Variants in NPAS2 observed in about 807,000 individuals in gnomAD.
The protein encoded by NPAS2 is neuronal PAS domain protein 2.
A neutral mutation model predicts 107.5 loss-of-function variants in NPAS2; 23 were observed. The observed-to-expected ratio is 0.21, with a 90% CI of 0.15 to 0.30. The LOEUF (loss-of-function observed/expected upper bound fraction) is 0.30, where lower values mean the gene tolerates loss of function less well. NPAS2 is among the 10% of genes least tolerant of loss of function. The pLI is 1.00. For synonymous variants in NPAS2, 403 were observed against 417.5 expected, an observed-to-expected ratio of 0.97 and a Z score of 0.42; for missense variants, 756 against 1,043.3, an observed-to-expected ratio of 0.72 and a Z score of 3.79.
Position 100,941,965 on chromosome 2 carries a change from T to C in NPAS2, c.363+4123T>C, listed in dbSNP as rs781211423. Among the ~76,000 whole-genome samples the C allele has an allele frequency of 3.3e-5, 5 of 152,250 alleles. No homozygotes were observed. In the East Asian group the frequency reaches 5.8e-4, roughly 18 times the overall value. On this transcript the variant is annotated intron_variant, in intron 5 of 20. Coordinates refer to ENST00000335681, the MANE Select transcript of NPAS2 (RefSeq NM_002518.4). ...CATCATATCCCCAGCCCTGAACATT[T>C]GCCATGTGCCTAAGTGTTCATTGAA...
Position 100,968,438 on chromosome 2 carries a change from A to G in NPAS2, c.1055+10A>G, listed in dbSNP as rs1180748210. On this transcript the variant is annotated intron_variant, in intron 11 of 20. Coordinates refer to ENST00000335681, the MANE Select transcript of NPAS2 (RefSeq NM_002518.4). The surrounding 1 kb of genome is among the most constrained non-coding windows in gnomAD (Gnocchi z 5.3). ...CACACTCGGTGGTCAGGTACCGCGC[A>G]CGGGCAGGGGTGCGGCTGCGTCCTT... is the stretch of plus-strand genomic sequence containing the variant. 5.0e-6 allele frequency: 8 copies of G among 1,612,648 alleles called. No homozygotes were observed. In the African/African-American group the frequency reaches 9.3e-5, roughly 19 times the overall value.
intron 1 of NPAS2, among the ~76,000 whole-genome samples, chr2:100,898,785 T>TAA (rs3042765): frequency 2.8e-5 from 4 of 144,206 alleles, no homozygotes; most frequent in African/African-American, 1.0e-4. Context: ...GTCTTTCACC[T>TAA]AAAAAAAAAA....
At chr2:100,882,591 A>C (rs529836801) in intron 1 of NPAS2, among the ~76,000 whole-genome samples, 7 of 152,152 alleles carry the variant, frequency 4.6e-5, no homozygotes, top group Non-Finnish European at 7.4e-5. Flanking sequence ...CCAGCCTGGG[A>C]GACAGAGCGA....
Position 100,926,434 on chromosome 2 carries a change from A to G in NPAS2, c.181+1140A>G, listed in dbSNP as rs148176430. On this transcript the variant is annotated intron_variant, in intron 3 of 20. Transcript: ENST00000335681. ...CCAATTTCTCCACATCCTTGGCAAC[A>G]CTTATTACTGTCTTCTTTTATTATG... 6.0e-3 allele frequency among the ~76,000 whole-genome samples: 911 copies of G among 152,286 alleles called. 5 individuals carry two copies. The highest frequency in any genetic ancestry group is 0.021 in the African/African-American group (861 of 41,544).
chr2:100,855,807 T>C (rs909412391), intron 1 of NPAS2, among the ~76,000 whole-genome samples: 1 of 152,232 alleles, frequency 6.6e-6, no homozygotes, highest in Non-Finnish European at 1.5e-5. Flanking sequence ...GCTTCAGCTT[T>C]GCTGCATGTC....
At position 100,890,116 on chromosome 2, in the gene NPAS2, GC is replaced by G. The variant is rs1425287951; in HGVS notation, c.-22-14616del. 6.6e-5 allele frequency among the ~76,000 whole-genome samples: 10 copies of G among 152,324 alleles called. No individual in the cohort carries two copies. The East Asian group carries it at 1.9e-3, about 29-fold the overall frequency. ...GTGTGCATACTGTATGAGGTATGTA[GC>G]TTTGCCAGATCTTAGTGTGACACAC... On this transcript the variant is annotated intron_variant, in intron 1 of 20. Transcript: ENST00000335681.
At chr2:100,878,605 A>G (rs1680134513) in intron 1 of NPAS2, 1 of 985,400 alleles carries the variant, frequency 1.0e-6, no homozygotes, top group East Asian at 1.1e-4. Context: ...AAGAATATAC[A>G]CTTTCAGCTA....
At chr2:100,956,937 A>G (rs374217413) in intron 7 of NPAS2, among the ~76,000 whole-genome samples, 33 of 152,320 alleles carry the variant, frequency 2.2e-4, no homozygotes, top group African/African-American at 7.2e-4. Flanking sequence ...CCAACTGGAC[A>G]TGTCCAGGTT....
intron 19 of NPAS2, among the ~76,000 whole-genome samples, chr2:100,991,685 A>G (rs56044389): frequency 0.093 from 14,186 of 152,164 alleles, 885 homozygotes; most frequent in Non-Finnish European, 0.14. Flanking sequence ...CTGTATGTTC[A>G]TTATTTAATT....
chr2:100,918,321 C>G (rs1466720269), intron 2 of NPAS2, among the ~76,000 whole-genome samples: 3 of 151,968 alleles, frequency 2.0e-5, no homozygotes, highest in Non-Finnish European at 4.4e-5. Context: ...AATAGAAAGT[C>G]TTTGTAGTCT....
chr2:100,828,105 A>G (rs1228506168), intron 1 of NPAS2, among the ~76,000 whole-genome samples: 1 of 152,174 alleles, frequency 6.6e-6, no homozygotes, highest in Non-Finnish European at 1.5e-5. Flanking sequence ...AGTAATAGCC[A>G]TTCTGGCTGG....
At chr2:100,931,237 C>T (rs1288463781) in intron 3 of NPAS2, among the ~76,000 whole-genome samples, 1 of 152,202 alleles carries the variant, frequency 6.6e-6, no homozygotes, top group Non-Finnish European at 1.5e-5. Context: ...ACCATCAGCA[C>T]GGTTTCCTCT....
At chr2:100,903,174 T>A (rs964101177) in intron 1 of NPAS2, among the ~76,000 whole-genome samples, 3 of 152,196 alleles carry the variant, frequency 2.0e-5, no homozygotes, top group Admixed American at 6.5e-5. Flanking sequence ...GAACACAGCG[T>A]GGCCGGGTCC....
rs770159746 is a variant in NPAS2 at position 100,953,375 on chromosome 2, T to TAAA, written c.598+3908_598+3910dup. ...GGTGACAGAGTGAAACTCCATCTCATAAAAAAAAAAAAAAACAAAAAAAAC... is the reference window on the plus strand; with the variant it reads ...GGTGACAGAGTGAAACTCCATCTCATAAAAAAAAAAAAAAAAAACAAAAAAAAC... On this transcript the variant is annotated intron_variant, in intron 7 of 20. Coordinates refer to ENST00000335681, the MANE Select transcript of NPAS2 (RefSeq NM_002518.4). Among the ~76,000 whole-genome samples the TAAA allele has an allele frequency of 1.5e-3, 134 of 87,422 alleles. 2 individuals are homozygous for TAAA. The highest frequency in any genetic ancestry group is 0.011 in the East Asian group (42 of 3,936). The allele number at this position is 87,422 out of a possible 152,430, so 57.4% of individuals were successfully genotyped here. A position where few individuals can be genotyped will look rare whatever the true frequency, so the allele number is the denominator to read the frequency against.
At chr2:100,839,753 G>A (rs190630308) in intron 1 of NPAS2, among the ~76,000 whole-genome samples, 9 of 152,012 alleles carry the variant, frequency 5.9e-5, no homozygotes, top group African/African-American at 1.2e-4. Flanking sequence ...GTAATCCTTC[G>A]AATTTTTTAT....
chr2:100,832,271 C>T (rs1676790100), intron 1 of NPAS2, among the ~76,000 whole-genome samples: 1 of 152,196 alleles, frequency 6.6e-6, no homozygotes, highest in African/African-American at 2.4e-5. Flanking sequence ...ACTCACAGCA[C>T]CCTGAGCCAC....
intron 16 of NPAS2, chr2:100,983,466 G>A (rs1339726091): frequency 6.5e-6 from 1 of 152,676 alleles, no homozygotes; most frequent in Non-Finnish European, 1.5e-5. Context: ...CACTCCTGGT[G>A]GCTTTCTAGA....
chr2:100,828,802 T>C (rs1288327225), intron 1 of NPAS2, among the ~76,000 whole-genome samples: 2 of 152,210 alleles, frequency 1.3e-5, no homozygotes, highest in East Asian at 1.9e-4. Context: ...ACTGTAGCCT[T>C]ATAGTATAGT....
intron 16 of NPAS2, 59 bp downstream of exon 16, chr2:100,982,436 G>A (rs1056830523): frequency 1.6e-5 from 25 of 1,582,384 alleles, no homozygotes; most frequent in East Asian, 6.8e-5. Context: ...GGGTCCTGCC[G>A]CCATTTCCGG....
Sources: gnomAD v4.1 joint callset for allele counts (sites outside exome capture counted in the v4.1 genomes callset) on GRCh38, gnomAD v4.1.1 for gene constraint, Gnocchi (gnomAD v3.1) non-coding constraint, MANE v1.5 for transcripts, NCBI Gene and HGNC (gene_info 2026-07-23, HGNC 2026-07-21) for gene names.